Variants in TFDP2 observed in about 807,000 individuals in gnomAD.
TFDP2 encodes the protein transcription factor Dp-2.
Under a neutral mutation model 59.3 loss-of-function variants are expected in TFDP2, and 17 were observed. That is an observed-to-expected ratio of 0.29 (90% CI 0.20 to 0.43). The LOEUF is 0.43. TFDP2 is among the 20% of genes least tolerant of loss of function. The probability of loss-of-function intolerance (pLI) is 1.00; values close to 1 mark genes in which losing one functional copy is unlikely to be tolerated. For missense variants in TFDP2, 391 were observed against 528.8 expected (o/e 0.74, Z 2.56); for synonymous variants, 180 against 194.7 (o/e 0.92, Z 0.63).
chr3:141,980,645 C>A (rs574934765), intron 6 of TFDP2, among the ~76,000 whole-genome samples: 3 of 152,118 alleles, frequency 2.0e-5, no homozygotes, highest in Admixed American at 2.0e-4. Context: ...AAGTGATTCT[C>A]CTGCTTCAGC....
intron 3 of TFDP2, among the ~76,000 whole-genome samples, chr3:142,069,345 T>C (rs927547011): frequency 6.6e-5 from 10 of 152,254 alleles, no homozygotes; most frequent in Non-Finnish European, 1.5e-4. Context: ...ATCCTAGTGA[T>C]GGATTTACAT....
At chr3:142,026,625 C>T (rs910355401) in intron 3 of TFDP2, among the ~76,000 whole-genome samples, 2 of 152,138 alleles carry the variant, frequency 1.3e-5, no homozygotes, top group Admixed American at 1.3e-4. Context: ...TTTTCAAGAG[C>T]AAACTTAAGA....
At chr3:142,052,313 A>G (rs918163408) in intron 3 of TFDP2, among the ~76,000 whole-genome samples, 4 of 152,078 alleles carry the variant, frequency 2.6e-5, no homozygotes, top group Non-Finnish European at 5.9e-5. Context: ...CAAGGCGGGC[A>G]GATCACAAGG....
intron 1 of TFDP2, among the ~76,000 whole-genome samples, chr3:142,125,076 T>C (rs1016475846): frequency 5.9e-5 from 9 of 152,044 alleles, no homozygotes; most frequent in Admixed American, 2.6e-4. Flanking sequence ...CGTGGTGGCA[T>C]GTGCCTGCTG....
At chr3:141,985,519 C>CAAAAAAAAAAAAAAAAAAAAAAAAAA (rs61684289) in intron 6 of TFDP2, among the ~76,000 whole-genome samples, 2 of 74,428 alleles carry the variant, frequency 2.7e-5, no homozygotes, top group Admixed American at 1.7e-4. Flanking sequence ...GACGCTGTCT[C>CAAAAAAAAAAAAAAAAAAAAAAAAAA]AAAAAAAAAA....
chr3:141,986,552 C>T (rs1000170318), intron 6 of TFDP2, among the ~76,000 whole-genome samples: 2 of 152,166 alleles, frequency 1.3e-5, no homozygotes, highest in African/African-American at 4.8e-5. Context: ...ATTCATTCAT[C>T]CATTCTGCAG....
At chr3:142,080,521 C>T (rs73232688) in intron 3 of TFDP2, among the ~76,000 whole-genome samples, 12,961 of 152,086 alleles carry the variant, frequency 0.085, 693 homozygotes, top group Middle Eastern at 0.14. Flanking sequence ...CGAATGAAAA[C>T]GGACTCAACT....
At chr3:141,977,106 A>ATATATATATAT (rs1371079134) in intron 7 of TFDP2, among the ~76,000 whole-genome samples, 12 of 97,506 alleles carry the variant, frequency 1.2e-4, no homozygotes, top group African/African-American at 5.1e-4. Context: ...ATATATATAT[A>ATATATATATAT]TTTTTTTTTT....
At chr3:142,072,002 T>C (rs1306044713) in intron 3 of TFDP2, among the ~76,000 whole-genome samples, 1 of 152,092 alleles carries the variant, frequency 6.6e-6, no homozygotes, top group Non-Finnish European at 1.5e-5. Context: ...GCTATAAGAA[T>C]AGGTGAAATC....
chr3:142,023,763 T>C (rs1347481749), intron 3 of TFDP2, among the ~76,000 whole-genome samples: 1 of 152,190 alleles, frequency 6.6e-6, no homozygotes, highest in Non-Finnish European at 1.5e-5. Context: ...TAGACATCAA[T>C]GTCAACAAAA....
Position 141,993,576 on chromosome 3 carries a change from T to C in TFDP2, c.318A>G (p.Lys106=). 6.4e-7 allele frequency: 1 copy of C among 1,567,828 alleles called. No homozygotes were observed. Among genetic ancestry groups the C allele is most frequent in the South Asian group, 1.2e-5 (1 of 86,644 alleles). The change falls in exon 6 of 13, where the codon AAA becomes AAG. Residue 106 remains lysine (K), a synonymous_variant. Coordinates refer to ENST00000489671, the MANE Select transcript of TFDP2 (RefSeq NM_001178139.2). ...CAGAGTCTATAAATTTTCTAGCCCG[T>C]TTTCTATCACTAAAAAGGAAAAAAG... ...EATGWVPGDR[K]RARKFIDSDF... is the part of the protein sequence containing the mutation.
At chr3:142,082,632 A>G (rs943481727) in intron 3 of TFDP2, among the ~76,000 whole-genome samples, 2 of 152,184 alleles carry the variant, frequency 1.3e-5, no homozygotes, top group African/African-American at 4.8e-5. Flanking sequence ...ACAAAATACT[A>G]CTAAACCGTA....
chr3:142,141,223 G>C (rs1560188543), intron 1 of TFDP2, among the ~76,000 whole-genome samples: 1 of 152,220 alleles, frequency 6.6e-6, no homozygotes, highest in Non-Finnish European at 1.5e-5. Flanking sequence ...AGACCATGGG[G>C]AAAGTCCAGT....
intron 1 of TFDP2, among the ~76,000 whole-genome samples, chr3:142,105,756 A>G (rs534948563): frequency 2.6e-5 from 4 of 152,336 alleles, no homozygotes; most frequent in African/African-American, 7.2e-5. Flanking sequence ...AGTACAGCAC[A>G]AACTGGAATC....
chr3:142,016,098 A>G (rs1360347546), intron 3 of TFDP2, among the ~76,000 whole-genome samples: 1 of 151,956 alleles, frequency 6.6e-6, no homozygotes, highest in Non-Finnish European at 1.5e-5. Context: ...TGCAACCTCC[A>G]TCTCCTGGGT....
intron 1 of TFDP2, 56 bp downstream of exon 1, chr3:142,149,127 C>G (rs1291411495): frequency 7.5e-6 from 3 of 397,640 alleles, no homozygotes; most frequent in Admixed American, 4.4e-5. Context: ...GGAACGCGCC[C>G]GGCCGGGTCC....
chr3:142,034,053 G>A (rs555033931), intron 3 of TFDP2, among the ~76,000 whole-genome samples: 1 of 149,254 alleles, frequency 6.7e-6, no homozygotes, highest in African/African-American at 2.5e-5. Flanking sequence ...ATTTTTTAGT[G>A]TGGTATCTAT....
At chr3:142,138,250 T>C (rs1161947197) in intron 1 of TFDP2, among the ~76,000 whole-genome samples, 3 of 152,212 alleles carry the variant, frequency 2.0e-5, no homozygotes, top group East Asian at 1.9e-4. Flanking sequence ...TTGCATCTAC[T>C]TGATTCTTCT....
At chr3:141,964,079 G>A (rs528768869) in intron 9 of TFDP2, 116 bp from the exon 10 acceptor site, 51 of 840,328 alleles carry the variant, frequency 6.1e-5, no homozygotes, top group African/African-American at 1.0e-4. Flanking sequence ...GAGACATCCC[G>A]CCTGCACTAA....
Sources: gnomAD v4.1 joint callset for allele counts (sites outside exome capture counted in the v4.1 genomes callset) on GRCh38, gnomAD v4.1.1 for gene constraint, MANE v1.5 for transcripts, NCBI Gene and HGNC (gene_info 2026-07-23, HGNC 2026-07-21) for gene names.